The following HDAC1 variants were observed in gnomAD, a reference collection of about 807,000 sequenced individuals.
The protein encoded by HDAC1 is histone deacetylase 1.
Under a neutral mutation model 65.5 loss-of-function variants are expected in HDAC1, and 18 were observed. That is an observed-to-expected ratio of 0.27 (90% CI 0.19 to 0.41). HDAC1 has a LOEUF of 0.41. Among genes scored for constraint, HDAC1 ranks in the 10% least tolerant of loss-of-function variants. The probability of loss-of-function intolerance (pLI) is 1.00; values close to 1 mark genes in which losing one functional copy is unlikely to be tolerated. For synonymous variants in HDAC1, 211 were observed against 227.9 expected (o/e 0.93, Z 0.67); for missense variants, 373 against 625.2 (o/e 0.60, Z 4.30).
At chr1:32,326,755 T>C (rs760254427) in intron 4 of HDAC1, among the ~76,000 whole-genome samples, 184 bp from the exon 5 acceptor site, 2 of 146,974 alleles carry the variant, frequency 1.4e-5, no homozygotes, top group Non-Finnish European at 3.0e-5. Flanking sequence ...AATCGTTTTT[T>C]ACGAGTAGAC....
intron 1 of HDAC1, among the ~76,000 whole-genome samples, chr1:32,296,481 C>G (rs758976091): frequency 5.3e-5 from 8 of 152,214 alleles, no homozygotes; most frequent in Non-Finnish European, 8.8e-5. Context: ...CCTCCCACCT[C>G]AGCCTTCCAA....
intron 2 of HDAC1, among the ~76,000 whole-genome samples, chr1:32,312,439 C>A (rs1006761143): frequency 2.0e-5 from 3 of 151,994 alleles, no homozygotes; most frequent in Admixed American, 6.6e-5. Context: ...AAGCTCACTG[C>A]AACCTCTGCC....
At position 32,316,796 on chromosome 1, in the gene HDAC1, G is replaced by A. The variant is rs1205597352; in HGVS notation, c.280+14G>A. 2 of 1,521,370 alleles carry A rather than the reference G, an allele frequency of 1.3e-6. No individual in the cohort carries two copies. Among genetic ancestry groups the A allele is most frequent in the East Asian group, 2.2e-5 (1 of 44,486 alleles). The allele number at this position is 1,521,370 out of a possible 1,614,324, so 94.2% of individuals were successfully genotyped here. Reference sequence around the variant, plus strand: ...AGATGCAGAGATGTAAGTCCATTCTGTTCCCTCACACTCTGAAGCCGCCAG... The same window carrying A: ...AGATGCAGAGATGTAAGTCCATTCTATTCCCTCACACTCTGAAGCCGCCAG... On this transcript the variant is annotated intron_variant, in intron 3 of 13. Transcript: ENST00000373548.
intron 2 of HDAC1, among the ~76,000 whole-genome samples, chr1:32,315,809 T>TA (rs1402991616): frequency 6.9e-6 from 1 of 145,552 alleles, no homozygotes; most frequent in Non-Finnish European, 1.5e-5. Context: ...CTACTAAAAA[T>TA]ACAAAAATTA....
intron 2 of HDAC1, among the ~76,000 whole-genome samples, chr1:32,304,194 T>A (rs1005246550): frequency 1.3e-5 from 2 of 152,156 alleles, no homozygotes; most frequent in African/African-American, 4.8e-5. Flanking sequence ...AACAGTGGTA[T>A]TTTTGTCACC....
chr1:32,325,645 T>G (rs1055351278), intron 4 of HDAC1, among the ~76,000 whole-genome samples: 7 of 152,246 alleles, frequency 4.6e-5, no homozygotes, highest in Admixed American at 3.3e-4. Flanking sequence ...GCTCTATGAT[T>G]ATTCCATGTT....
intron 1 of HDAC1, among the ~76,000 whole-genome samples, chr1:32,293,097 G>C (rs1215992348): frequency 1.3e-5 from 2 of 152,134 alleles, no homozygotes; most frequent in Admixed American, 1.3e-4. Context: ...GAGGCTGGTG[G>C]ATCACCTGAG....
intron 4 of HDAC1, 70 bp downstream of exon 4, chr1:32,324,623 T>C (rs1641192264): frequency 9.9e-7 from 1 of 1,009,172 alleles, no homozygotes; most frequent in African/African-American, 1.6e-5. Flanking sequence ...TTTAGGCTGC[T>C]ATCCTAGTTG....
At chr1:32,306,470 T>C (rs1206143682) in intron 2 of HDAC1, among the ~76,000 whole-genome samples, 1 of 152,182 alleles carries the variant, frequency 6.6e-6, no homozygotes, top group Non-Finnish European at 1.5e-5. Flanking sequence ...TTTTTCTCTC[T>C]TTTAGAGACA....
In HDAC1 at chr1:32,292,142, C is replaced by A; in HGVS notation, c.-28C>A. On this transcript the variant is annotated 5_prime_UTR_variant, in exon 1 of 14. In the 5' UTR this introduces an upstream ATG that the reference lacks. Coordinates refer to ENST00000373548, the MANE Select transcript of HDAC1 (RefSeq NM_004964.3). ...GCGGGCGGGAGGGCGGACGGACCGA[C>A]TGACGGTAGGGACGGGAGGCGAGCA... 2.6e-6 allele frequency: 4 copies of A among 1,547,172 alleles called. No homozygotes were observed. The highest frequency in any genetic ancestry group is 3.5e-6 in the Non-Finnish European group (4 of 1,145,782).
intron 3 of HDAC1, among the ~76,000 whole-genome samples, chr1:32,324,114 A>AT (rs1445032513): frequency 1.3e-5 from 2 of 151,466 alleles, no homozygotes; most frequent in Non-Finnish European, 2.9e-5. Context: ...AAAAAAAAAA[A>AT]GAAAAAAAAA....
At chr1:32,306,182 T>C (rs1173044991) in intron 2 of HDAC1, among the ~76,000 whole-genome samples, 2 of 151,190 alleles carry the variant, frequency 1.3e-5, no homozygotes, top group Non-Finnish European at 2.9e-5. Flanking sequence ...TTTTTTTTCT[T>C]TTTCTTTTTC....
At position 32,302,732 on chromosome 1, in the gene HDAC1, A is replaced by G. The variant is rs748065351; in HGVS notation, c.161A>G (p.Tyr54Cys). Residue 54 changes from tyrosine (Y) to cysteine (C), a missense_variant and splice_region_variant, in exon 2 of 14, where the codon TAT (tyrosine) becomes TGT (cysteine). Around this residue, in one of 4 missense-constraint regions of HDAC1, gnomAD observed 80 missense variants for 126.3 expected, o/e 0.63. Coordinates refer to ENST00000373548, the MANE Select transcript of HDAC1 (RefSeq NM_004964.3). ...GGTCTCTACCGAAAAATGGAAATCT[A>G]TGTGAGTTACCAGAGGTGCTACCGC... ...NYGLYRKMEI[Y>C]RPHKANAEEM... 5.6e-6 allele frequency: 8 copies of G among 1,438,026 alleles called. No homozygotes were observed. The highest frequency in any genetic ancestry group is 2.3e-5 in the East Asian group (1 of 44,104). The allele number at this position is 1,438,026 out of a possible 1,614,324, so 89.1% of individuals were successfully genotyped here. A position where few individuals can be genotyped will look rare whatever the true frequency, so the allele number is the denominator to read the frequency against.
chr1:32,294,877 T>C (rs1640747752), intron 1 of HDAC1, among the ~76,000 whole-genome samples: 1 of 150,594 alleles, frequency 6.6e-6, no homozygotes, highest in Non-Finnish European at 1.5e-5. Context: ...CCTGGGCTTG[T>C]CTTGAACTCC....
At chr1:32,310,786 GT>G (rs1161419256) in intron 2 of HDAC1, among the ~76,000 whole-genome samples, 1 of 151,880 alleles carries the variant, frequency 6.6e-6, no homozygotes, top group African/African-American at 2.4e-5. Context: ...GGAGGCGGAG[GT>G]TGCAGTGAGC....
chr1:32,299,006 A>T (rs1640809629), intron 1 of HDAC1, among the ~76,000 whole-genome samples: 1 of 152,220 alleles, frequency 6.6e-6, no homozygotes, highest in Non-Finnish European at 1.5e-5. Context: ...CTCCAAAAAT[A>T]AAAATTAAAA....
Position 32,331,785 on chromosome 1 carries a change from G to A in HDAC1, c.1198G>A (p.Asp400Asn), listed in dbSNP as rs373048036. 24 of 1,612,778 alleles carry A rather than the reference G, an allele frequency of 1.5e-5. No individual in the cohort carries two copies. The Middle Eastern group carries it at 5.0e-4, about 33-fold the overall frequency. The stretch of plus-strand genomic sequence containing the variant: ...GGAGAGTGGCGATGAGGACGAAGAC[G>A]ACCCTGACAAGCGCATCTCGAGTGA... The part of the protein sequence containing the change: ...PEESGDEDED[D>N]PDKRISICSS... Residue 400 changes from aspartate (D) to asparagine (N), a missense_variant, in exon 11 of 14, where the codon GAC becomes AAC. Physicochemically the swap from Asp to Asn is conservative, Grantham distance 23. This residue lies in a region of HDAC1 where 126 missense variants were observed against 126.2 expected (regional missense o/e 1.00). Coordinates refer to ENST00000373548, the MANE Select transcript of HDAC1 (RefSeq NM_004964.3). This position sits in a 1 kb window ranked among gnomAD's most constrained non-coding sequence, Gnocchi z 4.2.
intron 1 of HDAC1, among the ~76,000 whole-genome samples, chr1:32,294,957 G>GT (rs967715830): frequency 2.6e-5 from 4 of 151,504 alleles, no homozygotes; most frequent in Admixed American, 6.6e-5. Context: ...CTAAGCCACT[G>GT]TTTTTTTTGT....
intron 1 of HDAC1, among the ~76,000 whole-genome samples, chr1:32,294,067 C>CA (rs1199332480): frequency 4.1e-3 from 366 of 89,058 alleles, no homozygotes; most frequent in South Asian, 5.3e-3. Flanking sequence ...GACTTCGTCT[C>CA]AAAAAAAAAA....
Sources: gnomAD v4.1 joint callset for allele counts (sites outside exome capture counted in the v4.1 genomes callset) on GRCh38, gnomAD v4.1.1 for gene constraint, gnomAD v4.1.1 regional missense constraint, Gnocchi (gnomAD v3.1) non-coding constraint, MANE v1.5 for transcripts, NCBI Gene and HGNC (gene_info 2026-07-23, HGNC 2026-07-21) for gene names.